Variants in RELN observed in about 807,000 individuals in gnomAD.
RELN encodes reelin.
A neutral mutation model predicts 427.6 loss-of-function variants in RELN; 108 were observed. The observed-to-expected ratio is 0.25, with a 90% CI of 0.22 to 0.30. The LOEUF (loss-of-function observed/expected upper bound fraction) is 0.30. RELN is among the 10% of genes least tolerant of loss of function. RELN has a pLI of 1.00. For missense variants in RELN, 3,715 were observed against 4,302.8 expected (o/e 0.86, Z 3.82); for synonymous variants, 1,524 against 1,513.4 (o/e 1.01, Z -0.16).
At chr7:103,906,591 G>A (rs1025607438) in intron 2 of RELN, among the ~76,000 whole-genome samples, 2 of 152,210 alleles carry the variant, frequency 1.3e-5, no homozygotes, top group Non-Finnish European at 1.5e-5. Flanking sequence ...TATAGAGCAT[G>A]GCTGCCCATA....
At chr7:103,772,556 G>C (rs2116185911) in intron 4 of RELN, among the ~76,000 whole-genome samples, 1 of 152,252 alleles carries the variant, frequency 6.6e-6, no homozygotes, top group Non-Finnish European at 1.5e-5. Flanking sequence ...ATGTATGAGG[G>C]TTGTCTAGAC....
intron 64 of RELN, chr7:103,476,731 G>T (rs756672404): frequency 7.2e-6 from 3 of 415,686 alleles, no homozygotes; most frequent in South Asian, 5.7e-5. Context: ...CTTCTAAAAT[G>T]TCTAACAGCA....
chr7:103,695,015 A>C (rs1333178806), intron 10 of RELN, among the ~76,000 whole-genome samples: 3 of 151,966 alleles, frequency 2.0e-5, no homozygotes, highest in African/African-American at 7.2e-5. Context: ...AACTCCAAAA[A>C]CTAAAAGTCC....
intron 4 of RELN, among the ~76,000 whole-genome samples, chr7:103,762,972 G>T (rs1269088491): frequency 6.6e-6 from 1 of 152,124 alleles, no homozygotes; most frequent in Non-Finnish European, 1.5e-5. Context: ...ACTTCAATTT[G>T]GTTCTCAAGC....
chr7:103,494,394 G>GTGTGTGTGTGTGTGTGT lies in RELN; in HGVS notation c.9369+1328_9369+1329insACACACACACACACACA, dbSNP rs774896895. Among the ~76,000 whole-genome samples, 358 of 134,538 alleles carry GTGTGTGTGTGTGTGTGT rather than the reference G, an allele frequency of 2.7e-3. 1 individual carries two copies. Among genetic ancestry groups the GTGTGTGTGTGTGTGTGT allele is most frequent in the South Asian group, 8.4e-3 (34 of 4,068 alleles). The allele number at this position is 134,538 out of a possible 152,430, so 88.3% of individuals were successfully genotyped here. On this transcript the variant is annotated intron_variant, in intron 57 of 64. Coordinates refer to ENST00000428762, the MANE Select transcript of RELN (RefSeq NM_005045.4). ...GTGTGTGTGTGTGTGTGTGTGTGTG[G>GTGTGTGTGTGTGTGTGT]GATATGGTCTTGTTCTGTTGCCCTA...
chr7:103,980,657 C>T (rs1261186592), intron 1 of RELN, among the ~76,000 whole-genome samples: 1 of 152,196 alleles, frequency 6.6e-6, no homozygotes, highest in Non-Finnish European at 1.5e-5. Flanking sequence ...ATGAGAATAA[C>T]AGTACCTTCC....
intron 6 of RELN, among the ~76,000 whole-genome samples, chr7:103,747,452 C>T (rs150766372): frequency 5.9e-5 from 9 of 151,948 alleles, no homozygotes; most frequent in African/African-American, 2.2e-4. Flanking sequence ...CGGTATTTGC[C>T]TACTTTTACC....
chr7:103,627,899 G>C (rs1177182473), intron 20 of RELN: 1 of 152,166 alleles, frequency 6.6e-6, no homozygotes, highest in African/African-American at 2.4e-5. Flanking sequence ...TCAAAGCACA[G>C]AAATTAAACT....
chr7:103,967,259 T>C (rs1231036825), intron 1 of RELN, among the ~76,000 whole-genome samples: 2 of 152,132 alleles, frequency 1.3e-5, no homozygotes, highest in Non-Finnish European at 2.9e-5. Flanking sequence ...ATCACTAGTA[T>C]CCAATATTGG....
intron 3 of RELN, among the ~76,000 whole-genome samples, chr7:103,792,488 T>C (rs916422143): frequency 3.3e-5 from 5 of 150,686 alleles, no homozygotes; most frequent in South Asian, 2.1e-4. Flanking sequence ...TATTATATGA[T>C]TCCATTTATA....
At chr7:103,614,746 C>A (rs1318050931) in intron 20 of RELN, among the ~76,000 whole-genome samples, 3 of 152,170 alleles carry the variant, frequency 2.0e-5, no homozygotes, top group Admixed American at 6.5e-5. Context: ...TAGAGCTGAA[C>A]GCATTTCTAA....
intron 28 of RELN, among the ~76,000 whole-genome samples, chr7:103,582,351 CAA>C (rs1464009775): frequency 1.3e-5 from 2 of 152,208 alleles, no homozygotes; most frequent in Non-Finnish European, 2.9e-5. Context: ...TATGGCAAGT[CAA>C]ATTCTTAATT....
rs529765267 is a variant in RELN at position 103,743,124 on chromosome 7, A to G, written c.656+6302T>C. On this transcript the variant is annotated intron_variant, in intron 6 of 64. Transcript: ENST00000428762. Reference sequence around the variant, plus strand: ...GCCAATATTCAACATTCTTAAAGAAAAGAATTTTCAACCCAGAATTTCATA... The same window carrying G: ...GCCAATATTCAACATTCTTAAAGAAGAGAATTTTCAACCCAGAATTTCATA... Among the ~76,000 whole-genome samples, 126 of 151,690 alleles carry G rather than the reference A, an allele frequency of 8.3e-4. 1 individual carries two copies. Among genetic ancestry groups the G allele is most frequent in the South Asian group, 3.7e-3 (18 of 4,802 alleles).
intron 3 of RELN, among the ~76,000 whole-genome samples, chr7:103,781,672 C>T (rs970103440): frequency 6.6e-6 from 1 of 152,028 alleles, no homozygotes; most frequent in African/African-American, 2.4e-5. Flanking sequence ...CCTCCCCAAA[C>T]CACCCAGCCC....
chr7:103,661,631 T>C, intron 11 of RELN, 104 bp from the exon 12 acceptor site: 1 of 1,026,118 alleles, frequency 9.7e-7, no homozygotes, highest in Non-Finnish European at 1.5e-6. Context: ...TACTTAGTAA[T>C]GAATAATTCT....
At chr7:103,478,626 CAT>C in intron 63 of RELN, 1 of 471,280 alleles carries the variant, frequency 2.1e-6, no homozygotes, top group East Asian at 3.5e-5. Flanking sequence ...TGCTCATAAC[CAT>C]ATGTTAAGGT....
intron 2 of RELN, among the ~76,000 whole-genome samples, chr7:103,907,414 GGAAAAAAAAAAAAAAA>G (rs1447801829): frequency 1.0e-4 from 4 of 39,714 alleles, no homozygotes; most frequent in Non-Finnish European, 1.7e-4. Context: ...TCAAGGCTCT[GGAAAAAAAAAAAAAAA>G]AAAAAAAAAA....
chr7:103,553,906 G>T, intron 38 of RELN, 75 bp from the exon 39 acceptor site: 4 of 1,311,874 alleles, frequency 3.0e-6, no homozygotes, highest in Non-Finnish European at 4.4e-6. Context: ...TTGAAAGAAA[G>T]CAAAGGACAA....
chr7:103,974,438 G>A (rs1796829638), intron 1 of RELN, among the ~76,000 whole-genome samples: 1 of 151,576 alleles, frequency 6.6e-6, no homozygotes, highest in African/African-American at 2.4e-5. Context: ...GATTTCAAAG[G>A]CTCATAAATT....
Sources: gnomAD v4.1 joint callset for allele counts (sites outside exome capture counted in the v4.1 genomes callset) on GRCh38, gnomAD v4.1.1 for gene constraint, MANE v1.5 for transcripts, NCBI Gene and HGNC (gene_info 2026-07-23, HGNC 2026-07-21) for gene names.